GRM8: variants seen among roughly 807,000 people sequenced by gnomAD.
The protein encoded by GRM8 is metabotropic glutamate receptor 8.
In GRM8, 47 loss-of-function variants were observed where a neutral mutation model predicts 87.2. The observed-to-expected ratio is 0.54, with a 90% CI of 0.43 to 0.69. The LOEUF (loss-of-function observed/expected upper bound fraction) is 0.69, where lower values mean the gene tolerates loss of function less well. Ranked by LOEUF, GRM8 falls within the 30% of genes least tolerant of loss-of-function variation. The pLI is 0.00. For synonymous variants in GRM8, 396 were observed against 404.5 expected (o/e 0.98, Z 0.25); for missense variants, 1,019 against 1,139.2 (o/e 0.89, Z 1.52).
In GRM8 at chr7:127,223,443, GCACACA is replaced by G. The variant is rs61674303; in HGVS notation, c.510+19246_510+19251del. On this transcript the variant is annotated intron_variant, in intron 2 of 10. Coordinates refer to ENST00000339582, the MANE Select transcript of GRM8 (RefSeq NM_000845.3). ...CTCGAAACACACCACACACACACACGCACACACACACACACACACACACACACACAC... is the reference window on the plus strand; with the variant it reads ...CTCGAAACACACCACACACACACACGCACACACACACACACACACACACAC... 5.1e-3 allele frequency among the ~76,000 whole-genome samples: 728 copies of G among 144,046 alleles called. 5 individuals carry two copies. The highest frequency in any genetic ancestry group is 0.014 in the East Asian group (61 of 4,284). The allele number at this position is 144,046 out of a possible 152,430, so 94.5% of individuals were successfully genotyped here.
At chr7:126,504,643 A>G (rs1810168228) in intron 9 of GRM8, among the ~76,000 whole-genome samples, 1 of 152,106 alleles carries the variant, frequency 6.6e-6, no homozygotes, top group South Asian at 2.1e-4. Flanking sequence ...GTGCCCCTGA[A>G]CCCAAAATAA....
At chr7:126,658,606 T>A (rs1198873281) in intron 7 of GRM8, among the ~76,000 whole-genome samples, 2 of 151,800 alleles carry the variant, frequency 1.3e-5, no homozygotes, top group Non-Finnish European at 2.9e-5. Context: ...TGGGTTTATC[T>A]GTTAACAGTT....
chr7:126,711,302 T>C (rs1293614375), intron 7 of GRM8, among the ~76,000 whole-genome samples: 1 of 152,258 alleles, frequency 6.6e-6, no homozygotes, highest in Non-Finnish European at 1.5e-5. Context: ...AGTCCTTGTA[T>C]ATCTTCATCA....
At chr7:127,156,632 A>T (rs1792748746) in intron 2 of GRM8, among the ~76,000 whole-genome samples, 1 of 152,152 alleles carries the variant, frequency 6.6e-6, no homozygotes, top group South Asian at 2.1e-4. Flanking sequence ...CTTCCTCTAT[A>T]TGACTGATAC....
At chr7:126,495,301 C>T (rs1297949683) in intron 9 of GRM8, among the ~76,000 whole-genome samples, 1 of 151,978 alleles carries the variant, frequency 6.6e-6, no homozygotes, top group Non-Finnish European at 1.5e-5. Context: ...TCTTACCTAA[C>T]TGGCAAAGTC....
intron 8 of GRM8, among the ~76,000 whole-genome samples, chr7:126,545,762 T>C (rs557275282): frequency 1.1e-4 from 16 of 152,328 alleles, no homozygotes; most frequent in East Asian, 7.7e-4. Context: ...TTAATAATAC[T>C]AAAATGAGCT....
chr7:127,046,167 C>G (rs1048017915), intron 3 of GRM8, among the ~76,000 whole-genome samples: 5 of 151,934 alleles, frequency 3.3e-5, no homozygotes, highest in African/African-American at 9.7e-5. Flanking sequence ...GTCAGGAGAT[C>G]GAGACCATCC....
intron 2 of GRM8, among the ~76,000 whole-genome samples, chr7:127,192,040 C>A (rs902572357): frequency 6.6e-6 from 1 of 152,034 alleles, no homozygotes; most frequent in Admixed American, 6.6e-5. Context: ...ACACGTTTCT[C>A]CCCTTTTTTG....
chr7:126,944,821 T>C (rs1160813078), intron 3 of GRM8, among the ~76,000 whole-genome samples: 1 of 152,132 alleles, frequency 6.6e-6, no homozygotes, highest in African/African-American at 2.4e-5. Context: ...GAACAAAGGA[T>C]ATATATTAAT....
intron 3 of GRM8, among the ~76,000 whole-genome samples, chr7:127,093,755 C>T (rs1056253291): frequency 7.2e-5 from 11 of 152,218 alleles, no homozygotes; most frequent in Non-Finnish European, 1.5e-4. Flanking sequence ...ACTTTCTTTC[C>T]ATTCCTCTGC....
intron 3 of GRM8, among the ~76,000 whole-genome samples, chr7:127,012,690 C>A (rs11563306): frequency 1.3e-5 from 2 of 151,958 alleles, no homozygotes; most frequent in Admixed American, 1.3e-4. Context: ...CTGGAGTTTC[C>A]TGGTAATTGG....
At chr7:126,820,124 CA>C (rs1794165297) in intron 6 of GRM8, among the ~76,000 whole-genome samples, 1 of 152,056 alleles carries the variant, frequency 6.6e-6, no homozygotes, top group South Asian at 2.1e-4. Context: ...ATTTTTTGAA[CA>C]GTGTGGTTCT....
chr7:126,798,333 A>T (rs1337268686), intron 6 of GRM8, among the ~76,000 whole-genome samples: 2 of 152,190 alleles, frequency 1.3e-5, no homozygotes, highest in African/African-American at 4.8e-5. Flanking sequence ...CAAAAATTAC[A>T]GATCCAGATG....
At chr7:126,809,793 C>A (rs1022476047) in intron 6 of GRM8, among the ~76,000 whole-genome samples, 1 of 152,088 alleles carries the variant, frequency 6.6e-6, no homozygotes, top group Non-Finnish European at 1.5e-5. Flanking sequence ...GGGAGTGCAA[C>A]AATATACTCT....
intron 8 of GRM8, among the ~76,000 whole-genome samples, chr7:126,543,591 C>T (rs190320161): frequency 2.0e-5 from 3 of 152,086 alleles, no homozygotes; most frequent in Admixed American, 2.0e-4. Flanking sequence ...TGAAAAGGGG[C>T]GTACAAGGGA....
At chr7:126,907,423 A>T (rs1478155709) in intron 3 of GRM8, among the ~76,000 whole-genome samples, 2 of 152,176 alleles carry the variant, frequency 1.3e-5, no homozygotes, top group Non-Finnish European at 2.9e-5. Context: ...TGTGAGGAAG[A>T]GCAAAGGAAT....
chr7:126,574,507 T>C (rs1794946589), intron 8 of GRM8, among the ~76,000 whole-genome samples: 1 of 152,196 alleles, frequency 6.6e-6, no homozygotes, highest in Non-Finnish European at 1.5e-5. Context: ...GGATGTGTCA[T>C]CTCTAAGGAG....
chr7:126,639,222 C>T (rs1364185508), intron 7 of GRM8, among the ~76,000 whole-genome samples: 1 of 152,180 alleles, frequency 6.6e-6, no homozygotes, highest in East Asian at 1.9e-4. Context: ...CTCTTTAGGG[C>T]ATCTATTTTA....
intron 6 of GRM8, among the ~76,000 whole-genome samples, chr7:126,787,379 GTGTTACTTT>G (rs1470701481): frequency 2.0e-5 from 3 of 152,068 alleles, no homozygotes; most frequent in African/African-American, 7.2e-5. Flanking sequence ...AAATCCTATA[GTGTTACTTT>G]TGTTATCAAA....
Sources: allele counts gnomAD v4.1 joint callset (sites outside exome capture counted in the v4.1 genomes callset), GRCh38; gene constraint gnomAD v4.1.1; transcripts MANE v1.5; gene names NCBI Gene and HGNC (gene_info 2026-07-23, HGNC 2026-07-21).